The following AVEN variants were observed in gnomAD, a reference collection of about 807,000 sequenced individuals.
The protein encoded by AVEN is apoptosis and caspase activation inhibitor, also known as cell death regulator Aven.
In AVEN, 41 loss-of-function variants were observed where a neutral mutation model predicts 38.1. That is an observed-to-expected ratio of 1.08 (90% confidence interval 0.84 to 1.40). AVEN has a LOEUF of 1.40. Among genes scored for constraint, AVEN ranks in the 40% most tolerant of loss-of-function variants. The pLI is 0.00. For synonymous variants in AVEN, 206 were observed against 171.8 expected (o/e 1.20, Z -1.56); for missense variants, 605 against 438.8 (o/e 1.38, Z -3.38).
upstream of AVEN, chr15:34,039,288 G>T: frequency 5.8e-6 from 1 of 172,700 alleles, no homozygotes; most frequent in Non-Finnish European, 1.2e-5. Flanking sequence ...CTGGGAGCTG[G>T]AAGTGGTGGG....
rs1329798466 is a variant in AVEN, at chr15:34,069,350, G to T, written n.784+1238C>A. Reference sequence around the variant, plus strand: ...CAGGAGAATTGCTTGAACCTGGGAGGCTGAGGCAGGAGAATTGCTTGAACC... The same window carrying T: ...CAGGAGAATTGCTTGAACCTGGGAGTCTGAGGCAGGAGAATTGCTTGAACC... On this transcript the variant is annotated intron_variant and non_coding_transcript_variant, in intron 2 of 11. Transcript: ENST00000675287. 1.5e-4 allele frequency among the ~76,000 whole-genome samples: 23 copies of T among 152,124 alleles called. No homozygotes were observed. In the East Asian group the frequency reaches 4.1e-3, roughly 27 times the overall value.
intron 3 of AVEN, among the ~76,000 whole-genome samples, chr15:33,875,575 G>GGGC (rs1891188896): frequency 6.6e-6 from 1 of 152,170 alleles, no homozygotes; most frequent in Non-Finnish European, 1.5e-5. Context: ...GTGAGAGACA[G>GGGC]AAAACTAATT....
intron 2 of AVEN, among the ~76,000 whole-genome samples, chr15:33,920,608 C>G (rs533629626): frequency 6.6e-6 from 1 of 152,096 alleles, no homozygotes; most frequent in Non-Finnish European, 1.5e-5. Flanking sequence ...AATCCATGTT[C>G]AAAGCAAAAC....
At chr15:33,853,078 A>G in the AVEN span, 1 of 1,601,176 alleles carries the variant, frequency 6.2e-7, no homozygotes. Flanking sequence ...ACAAGTTTGT[A>G]AAGAGAAAGG....
rs556813723 is a variant in AVEN at position 33,983,675 on chromosome 15, G to T, written c.445+19357C>A. On this transcript the variant is annotated intron_variant, in intron 2 of 5. Coordinates refer to ENST00000306730, the MANE Select transcript of AVEN (RefSeq NM_020371.3). Reference sequence around the variant, plus strand: ...CTCCTTCCATGGATGAAGCTTACTCGCATCGTCTTGAGTGTGAGCAGGACT... The same window carrying T: ...CTCCTTCCATGGATGAAGCTTACTCTCATCGTCTTGAGTGTGAGCAGGACT... 2.0e-4 allele frequency among the ~76,000 whole-genome samples: 31 copies of T among 152,156 alleles called. 2 individuals carry two copies. In the South Asian group the frequency reaches 4.0e-3, roughly 19 times the overall value.
At chr15:33,957,313 A>G (rs1366788627) in intron 2 of AVEN, among the ~76,000 whole-genome samples, 2 of 152,194 alleles carry the variant, frequency 1.3e-5, no homozygotes, top group Admixed American at 1.3e-4. Flanking sequence ...TGTCCATTAG[A>G]GACCTTTCTT....
intron 2 of AVEN, among the ~76,000 whole-genome samples, chr15:33,897,417 C>A (rs1241891461): frequency 1.3e-5 from 2 of 152,074 alleles, no homozygotes; most frequent in African/African-American, 2.4e-5. Flanking sequence ...CCTGCCTCAG[C>A]CTCCACCATG....
At chr15:34,007,872 C>A (rs1897429374) in intron 1 of AVEN, among the ~76,000 whole-genome samples, 1 of 152,192 alleles carries the variant, frequency 6.6e-6, no homozygotes, top group African/African-American at 2.4e-5. Flanking sequence ...GCAACCTTAG[C>A]ATTCCTTCCT....
In AVEN at chr15:34,024,871, G is replaced by A. The variant is rs1163643749; in HGVS notation, c.267+13909C>T. On this transcript the variant is annotated intron_variant, in intron 1 of 5. Transcript: ENST00000306730. ...GCAAGACTCCTTCTCAAAAAAAAAAGGAAAAAATAAAAAGAAAGAAAGGTG... is the reference window on the plus strand; with the variant it reads ...GCAAGACTCCTTCTCAAAAAAAAAAAGAAAAAATAAAAAGAAAGAAAGGTG... Among the ~76,000 whole-genome samples, 4 of 127,462 alleles carry A rather than the reference G, an allele frequency of 3.1e-5. No homozygotes were observed. In the South Asian group the frequency reaches 1.0e-3, roughly 33 times the overall value. The allele number at this position is 127,462 out of a possible 152,430, so 83.6% of individuals were successfully genotyped here.
chr15:33,941,951 G>C (rs192434457), intron 2 of AVEN, among the ~76,000 whole-genome samples: 5 of 152,246 alleles, frequency 3.3e-5, no homozygotes, highest in Admixed American at 2.0e-4. Context: ...AAAATAAAGG[G>C]ACAGCCTGCC....
intron 2 of AVEN, among the ~76,000 whole-genome samples, chr15:33,978,808 A>G (rs1243435226): frequency 6.6e-6 from 1 of 152,182 alleles, no homozygotes; most frequent in East Asian, 1.9e-4. Context: ...AGAAGGATAT[A>G]TTAATAAACC....
chr15:33,967,343 G>C (rs1476423940), intron 2 of AVEN, among the ~76,000 whole-genome samples: 1 of 152,036 alleles, frequency 6.6e-6, no homozygotes, highest in Non-Finnish European at 1.5e-5. Flanking sequence ...AATTTAAAAT[G>C]AACTGGATAT....
At chr15:34,003,258 C>A in intron 1 of AVEN, 49 bp from the exon 2 acceptor site, 1 of 1,563,246 alleles carries the variant, frequency 6.4e-7, no homozygotes. Flanking sequence ...AAATCCTGAC[C>A]TTAGTAGACT....
intron 2 of AVEN, among the ~76,000 whole-genome samples, chr15:33,998,731 C>T (rs1270224618): frequency 6.6e-6 from 1 of 152,180 alleles, no homozygotes; most frequent in Middle Eastern, 3.2e-3. Flanking sequence ...ATACAGATCT[C>T]TCCTCCTGCT....
intron 2 of AVEN, among the ~76,000 whole-genome samples, chr15:33,886,976 GGCAGAAGGCAT>G: frequency 6.6e-6 from 1 of 152,092 alleles, no homozygotes; most frequent in Non-Finnish European, 1.5e-5. Context: ...AAGAAAAGGG[GGCAGAAGGCAT>G]GCAGCATCTA....
At chr15:34,042,398 T>TG (rs1899507726), upstream of AVEN, among the ~76,000 whole-genome samples, 2 of 136,978 alleles carry the variant, frequency 1.5e-5, no homozygotes, top group African/African-American at 6.4e-5. Context: ...TGACCTAAGT[T>TG]TTTTTTTTTT....
chr15:33,947,434 C>A (rs1894549520), intron 2 of AVEN, among the ~76,000 whole-genome samples: 1 of 152,158 alleles, frequency 6.6e-6, no homozygotes, highest in Non-Finnish European at 1.5e-5. Context: ...AAAATAGAAA[C>A]ATCTGTAATA....
the AVEN span, chr15:33,851,818 G>C: frequency 6.6e-6 from 1 of 152,074 alleles, no homozygotes; most frequent in African/African-American, 2.4e-5. Context: ...ATTTTTATTT[G>C]TTTTATTTTC....
chr15:33,925,601 A>G (rs1213188814), intron 2 of AVEN, among the ~76,000 whole-genome samples: 1 of 152,222 alleles, frequency 6.6e-6, no homozygotes, highest in Non-Finnish European at 1.5e-5. Flanking sequence ...AAGACACTTA[A>G]AAGTAATTCC....
Sources: allele counts gnomAD v4.1 joint callset (sites outside exome capture counted in the v4.1 genomes callset), GRCh38; gene constraint gnomAD v4.1.1; transcripts MANE v1.5; gene names NCBI Gene and HGNC (gene_info 2026-07-23, HGNC 2026-07-21).